The following CSMD1 variants were observed in gnomAD, a reference collection of about 807,000 sequenced individuals.
CSMD1 encodes CUB and sushi domain-containing protein 1.
A neutral mutation model predicts 417.5 loss-of-function variants in CSMD1; 213 were observed. The ratio of observed to expected loss-of-function variants is 0.51; its 90% confidence interval spans 0.46 to 0.57. The LOEUF is 0.57. CSMD1 is among the 20% of genes least tolerant of loss of function. The pLI is 0.00. For missense variants in CSMD1, 6,923 were observed against 4,529.7 expected, an observed-to-expected ratio of 1.53 and a Z score of -15.17; for synonymous variants, 2,862 against 1,736.8, an observed-to-expected ratio of 1.65 and a Z score of -16.11.
At chr8:3,546,093 G>A (rs550118703) in intron 10 of CSMD1, among the ~76,000 whole-genome samples, 1 of 152,190 alleles carries the variant, frequency 6.6e-6, no homozygotes, top group Non-Finnish European at 1.5e-5. Flanking sequence ...AATGTAAATA[G>A]CAGTAAAATC....
intron 21 of CSMD1, among the ~76,000 whole-genome samples, chr8:3,352,682 A>T (rs13248118): frequency 0.14 from 20,967 of 152,124 alleles, 1,699 homozygotes; most frequent in East Asian, 0.23. Context: ...TCTATTAAAA[A>T]TACAAACATT....
intron 3 of CSMD1, among the ~76,000 whole-genome samples, chr8:4,281,009 AT>A (rs1295529529): frequency 6.6e-6 from 1 of 152,164 alleles, no homozygotes; most frequent in African/African-American, 2.4e-5. Context: ...ATGTATTAAA[AT>A]TAAGTGAGTT....
intron 4 of CSMD1, among the ~76,000 whole-genome samples, chr8:4,011,260 C>A (rs754650662): frequency 2.0e-5 from 3 of 152,160 alleles, no homozygotes; most frequent in Non-Finnish European, 4.4e-5. Flanking sequence ...TACCAGTTTT[C>A]TTCTCTTTCA....
intron 10 of CSMD1, among the ~76,000 whole-genome samples, chr8:3,555,390 G>C (rs527965081): frequency 2.6e-5 from 4 of 152,244 alleles, no homozygotes; most frequent in East Asian, 2.0e-4. Context: ...AACGCTGTAA[G>C]AATTTAGCCA....
chr8:4,966,227 A>AAG (rs1024519954), intron 1 of CSMD1, among the ~76,000 whole-genome samples: 1 of 150,662 alleles, frequency 6.6e-6, no homozygotes, highest in African/African-American at 2.5e-5. Context: ...AAAAAAAAAA[A>AAG]AATTAGCTGG....
At chr8:3,053,276 G>C (rs1811990423) in intron 49 of CSMD1, among the ~76,000 whole-genome samples, 1 of 152,088 alleles carries the variant, frequency 6.6e-6, no homozygotes, top group Non-Finnish European at 1.5e-5. Context: ...TGTGGCCACG[G>C]GAGCACAATG....
At chr8:3,537,685 T>G (rs973964396) in intron 10 of CSMD1, among the ~76,000 whole-genome samples, 3 of 152,244 alleles carry the variant, frequency 2.0e-5, no homozygotes, top group Non-Finnish European at 2.9e-5. Flanking sequence ...TTACAATACT[T>G]TGTATTTGCA....
In CSMD1 at chr8:3,070,770, G is replaced by A. The variant is rs76226814; in HGVS notation, c.7474+16327C>T. On this transcript the variant is annotated intron_variant, in intron 49 of 69. Transcript: ENST00000635120. ...TTCCAAACCTTCCCAACCTCTGCCT[G>A]TTACCCAGTTCCAAAGCTGCTTCAA... Among the ~76,000 whole-genome samples the A allele has an allele frequency of 6.6e-5, 10 of 152,160 alleles. No homozygotes were observed. The East Asian group carries it at 1.5e-3, about 23-fold the overall frequency.
At chr8:4,434,021 G>T (rs188978661) in intron 2 of CSMD1, among the ~76,000 whole-genome samples, 1 of 152,118 alleles carries the variant, frequency 6.6e-6, no homozygotes, top group African/African-American at 2.4e-5. Context: ...TCTTTTCAAA[G>T]ATATGACAAG....
chr8:3,484,707 T>C (rs1817927376), intron 11 of CSMD1, among the ~76,000 whole-genome samples: 1 of 152,168 alleles, frequency 6.6e-6, no homozygotes, highest in Non-Finnish European at 1.5e-5. Flanking sequence ...AGCACTAATA[T>C]CTTGACTACA....
At chr8:4,271,101 CT>C (rs1373400890) in intron 3 of CSMD1, among the ~76,000 whole-genome samples, 1 of 152,166 alleles carries the variant, frequency 6.6e-6, no homozygotes, top group Non-Finnish European at 1.5e-5. Flanking sequence ...AAGTCCACTC[CT>C]TTTATTATTT....
At chr8:4,511,984 CA>C (rs936705758) in intron 2 of CSMD1, among the ~76,000 whole-genome samples, 4 of 151,842 alleles carry the variant, frequency 2.6e-5, no homozygotes, top group Non-Finnish European at 5.9e-5. Context: ...AGAGGCATTC[CA>C]AAAAAAGAAA....
rs375271446 is a variant in CSMD1, at chr8:4,213,131, A to G, written c.416-181032T>C. ...TGGAGCATGCTTAGACTCAAAGACA[A>G]CATCTGGAAAATTTCTTACTAGGAT... On this transcript the variant is annotated intron_variant, in intron 3 of 69. Coordinates refer to ENST00000635120, the MANE Select transcript of CSMD1 (RefSeq NM_033225.6). Among the ~76,000 whole-genome samples, 33 of 152,310 alleles carry G rather than the reference A, an allele frequency of 2.2e-4. No individual in the cohort carries two copies. In the East Asian group the frequency reaches 5.8e-3, roughly 27 times the overall value.
intron 5 of CSMD1, among the ~76,000 whole-genome samples, chr8:3,862,795 A>G (rs562939033): frequency 1.3e-5 from 2 of 152,322 alleles, no homozygotes; most frequent in South Asian, 2.1e-4. Flanking sequence ...TTAACTGCCT[A>G]TCACAACAGC....
At chr8:4,596,552 TA>T (rs60852576) in intron 2 of CSMD1, among the ~76,000 whole-genome samples, 43,561 of 151,026 alleles carry the variant, frequency 0.29, 6,699 homozygotes, top group South Asian at 0.44. Context: ...TAAGCTTTTC[TA>T]AAAAAAAAAT....
intron 3 of CSMD1, among the ~76,000 whole-genome samples, chr8:4,104,483 T>C (rs1422422908): frequency 6.6e-6 from 1 of 152,330 alleles, no homozygotes; most frequent in Non-Finnish European, 1.5e-5. Flanking sequence ...TTTGACTCTA[T>C]TGAATTTTCT....
intron 3 of CSMD1, among the ~76,000 whole-genome samples, chr8:4,416,039 A>G (rs1796919405): frequency 6.6e-6 from 1 of 152,168 alleles, no homozygotes; most frequent in Non-Finnish European, 1.5e-5. Flanking sequence ...CACTTAGACA[A>G]TTTCCGTGAA....
chr8:4,417,353 G>A (rs557134132), intron 3 of CSMD1, among the ~76,000 whole-genome samples: 12 of 151,952 alleles, frequency 7.9e-5, no homozygotes, highest in African/African-American at 2.7e-4. Context: ...AGTACTGCCA[G>A]ACAACAGTTG....
At chr8:3,352,745 C>G (rs1319961048) in intron 21 of CSMD1, among the ~76,000 whole-genome samples, 1 of 152,112 alleles carries the variant, frequency 6.6e-6, no homozygotes, top group Non-Finnish European at 1.5e-5. Context: ...GAGGCTGAGG[C>G]CGGAGACTTG....
Sources: gnomAD v4.1 joint callset for allele counts (sites outside exome capture counted in the v4.1 genomes callset) on GRCh38, gnomAD v4.1.1 for gene constraint, MANE v1.5 for transcripts, NCBI Gene and HGNC (gene_info 2026-07-23, HGNC 2026-07-21) for gene names.